Variants in PHACTR1 observed in about 807,000 individuals in gnomAD.
The protein encoded by PHACTR1 is phosphatase and actin regulator 1.
In PHACTR1, 16 loss-of-function variants were observed where a neutral mutation model predicts 69.2. That is an observed-to-expected ratio of 0.23 (90% confidence interval 0.16 to 0.35). PHACTR1 has a LOEUF of 0.35. Among genes scored for constraint, PHACTR1 ranks in the 10% least tolerant of loss-of-function variants. PHACTR1 has a pLI of 1.00. For synonymous variants in PHACTR1, 312 were observed against 284.5 expected, an observed-to-expected ratio of 1.10 and a Z score of -0.97; for missense variants, 510 against 734.7, an observed-to-expected ratio of 0.69 and a Z score of 3.54.
chr6:13,031,080 G>A (rs1802394607), intron 4 of PHACTR1, among the ~76,000 whole-genome samples: 1 of 152,070 alleles, frequency 6.6e-6, no homozygotes, highest in South Asian at 2.1e-4. Flanking sequence ...GATTACCCCT[G>A]GTCCAGAACC....
intron 3 of PHACTR1, among the ~76,000 whole-genome samples, chr6:12,735,038 A>G (rs1764053588): frequency 6.6e-6 from 1 of 152,232 alleles, no homozygotes; most frequent in African/African-American, 2.4e-5. Flanking sequence ...TCTGTGGGTC[A>G]AGAATTAAGG....
intron 3 of PHACTR1, among the ~76,000 whole-genome samples, chr6:12,746,417 G>C (rs1765792104): frequency 6.6e-6 from 1 of 152,054 alleles, no homozygotes; most frequent in Non-Finnish European, 1.5e-5. Context: ...TGTAGCTGTG[G>C]TCCCAGCTAC....
chr6:13,145,685 T>C (rs934805709), intron 5 of PHACTR1, among the ~76,000 whole-genome samples: 9 of 152,116 alleles, frequency 5.9e-5, no homozygotes, highest in Admixed American at 3.9e-4. Flanking sequence ...TCTCTTTCTC[T>C]GAGCACACGA....
chr6:12,912,029 GCT>G (rs745317756), intron 4 of PHACTR1, among the ~76,000 whole-genome samples: 8 of 152,130 alleles, frequency 5.3e-5, no homozygotes, highest in Non-Finnish European at 8.8e-5. Context: ...ACGGAATCTC[GCT>G]CTGTCACCCA....
chr6:13,232,171 T>A (rs1771323268), intron 10 of PHACTR1, among the ~76,000 whole-genome samples: 1 of 152,232 alleles, frequency 6.6e-6, no homozygotes, highest in South Asian at 2.1e-4. Flanking sequence ...TAGCAAGCAA[T>A]CAGTTACCTG....
intron 5 of PHACTR1, among the ~76,000 whole-genome samples, chr6:13,061,626 A>G (rs1807686675): frequency 6.6e-6 from 1 of 152,164 alleles, no homozygotes; most frequent in African/African-American, 2.4e-5. Flanking sequence ...GAAACTGGAA[A>G]TTGCCTTATT....
At chr6:12,920,581 G>T (rs1045859116) in intron 4 of PHACTR1, among the ~76,000 whole-genome samples, 15 of 152,224 alleles carry the variant, frequency 9.9e-5, no homozygotes, top group African/African-American at 3.4e-4. Context: ...TATTTTCCCT[G>T]CCAGGCACTA....
intron 4 of PHACTR1, among the ~76,000 whole-genome samples, chr6:12,765,576 A>G (rs1206859346): frequency 4.6e-5 from 7 of 152,090 alleles, no homozygotes; most frequent in East Asian, 1.9e-4. Context: ...TCCTTGATTT[A>G]TTCTGGCAAT....
At chr6:12,921,506 A>G (rs1473404962) in intron 4 of PHACTR1, among the ~76,000 whole-genome samples, 1 of 129,546 alleles carries the variant, frequency 7.7e-6, no homozygotes, top group East Asian at 2.8e-4. Context: ...GAAGGAAAGA[A>G]GGAAGGAAGG....
At chr6:13,074,818 C>T (rs567529738) in intron 5 of PHACTR1, among the ~76,000 whole-genome samples, 3 of 152,192 alleles carry the variant, frequency 2.0e-5, no homozygotes, top group South Asian at 2.1e-4. Context: ...ATGAAGAAGA[C>T]GTCTATCTTC....
At chr6:12,798,039 GACACACACACAC>G (rs10529531) in intron 4 of PHACTR1, among the ~76,000 whole-genome samples, 1 of 137,786 alleles carries the variant, frequency 7.3e-6, no homozygotes, top group Non-Finnish European at 1.5e-5. Context: ...TCATTTCCTA[GACACACACACAC>G]ACACACACAC....
intron 4 of PHACTR1, among the ~76,000 whole-genome samples, chr6:12,813,340 A>AG (rs916755419): frequency 5.3e-5 from 8 of 152,120 alleles, no homozygotes; most frequent in Non-Finnish European, 7.4e-5. Flanking sequence ...AACCAGCTTC[A>AG]GGGGGGTCTA....
intron 10 of PHACTR1, among the ~76,000 whole-genome samples, chr6:13,255,173 G>A (rs1775009054): frequency 6.6e-6 from 1 of 152,180 alleles, no homozygotes; most frequent in African/African-American, 2.4e-5. Context: ...GCTAGGAACA[G>A]GAGCAAGAGG....
chr6:12,915,422 G>A (rs1207982834), intron 4 of PHACTR1, among the ~76,000 whole-genome samples: 1 of 149,694 alleles, frequency 6.7e-6, no homozygotes, highest in Non-Finnish European at 1.5e-5. Context: ...CAGGAGAATC[G>A]CTTGAACCCA....
rs1182204849 is a variant in PHACTR1, at chr6:13,073,873, TC to T, written c.415+20345del. 1.1e-3 allele frequency among the ~76,000 whole-genome samples: 169 copies of T among 151,420 alleles called. 1 individual carries two copies. The highest frequency in any genetic ancestry group is 5.2e-4 in the Non-Finnish European group (35 of 67,844). ...AGTAGTAGAGTTCATATTTTCTTTT[TC>T]TTTTTTTTTTTTTTCTGAGATGGAG... is the stretch of plus-strand genomic sequence containing the variant. On this transcript the variant is annotated intron_variant, in intron 5 of 14. Transcript: ENST00000332995.
chr6:13,141,847 T>A, intron 5 of PHACTR1, among the ~76,000 whole-genome samples: 1 of 151,954 alleles, frequency 6.6e-6, no homozygotes, highest in East Asian at 1.9e-4. Flanking sequence ...CATGATAGTA[T>A]GCAGTTACTA....
At chr6:13,218,661 A>T (rs1184868158) in intron 8 of PHACTR1, among the ~76,000 whole-genome samples, 4 of 152,082 alleles carry the variant, frequency 2.6e-5, no homozygotes, top group Non-Finnish European at 5.9e-5. Context: ...CTCTACAAAA[A>T]AAATCAAAAA....
intron 8 of PHACTR1, among the ~76,000 whole-genome samples, chr6:13,226,988 G>A (rs535308248): frequency 4.3e-4 from 66 of 152,142 alleles, no homozygotes; most frequent in African/African-American, 1.5e-3. Flanking sequence ...CACCTGCCTC[G>A]GCCTCCCAAA....
intron 4 of PHACTR1, among the ~76,000 whole-genome samples, chr6:13,034,600 A>G (rs1803009334): frequency 6.6e-6 from 1 of 152,164 alleles, no homozygotes; most frequent in Non-Finnish European, 1.5e-5. Context: ...AATTCCTGTT[A>G]CTGGTATTAG....
Sources: allele counts gnomAD v4.1 joint callset (sites outside exome capture counted in the v4.1 genomes callset), GRCh38; gene constraint gnomAD v4.1.1; transcripts MANE v1.5; gene names NCBI Gene and HGNC (gene_info 2026-07-23, HGNC 2026-07-21).